Variants in FAM107B observed in about 807,000 individuals in gnomAD.
The protein encoded by FAM107B is protein FAM107B.
A neutral mutation model predicts 31.5 loss-of-function variants in FAM107B; 21 were observed. The ratio of observed to expected loss-of-function variants is 0.67; its 90% CI spans 0.47 to 0.96. FAM107B has a LOEUF of 0.96. FAM107B is among the 40% of genes least tolerant of loss of function. The pLI is 0.00. For synonymous variants in FAM107B, 157 were observed against 141.5 expected, an observed-to-expected ratio of 1.11 and a Z score of -0.78; for missense variants, 452 against 377.1, an observed-to-expected ratio of 1.20 and a Z score of -1.64.
At chr10:14,760,358 G>T (rs2131590223) in intron 1 of FAM107B, among the ~76,000 whole-genome samples, 1 of 152,226 alleles carries the variant, frequency 6.6e-6, no homozygotes, top group Non-Finnish European at 1.5e-5. Flanking sequence ...TTTTATGACT[G>T]CAGTACTATA....
chr10:14,700,928 C>A lies in FAM107B; in HGVS notation c.412-33237G>T, dbSNP rs552952287. 4.6e-4 allele frequency among the ~76,000 whole-genome samples: 70 copies of A among 151,114 alleles called. No individual in the cohort carries two copies. The South Asian group carries it at 0.014, about 29-fold the overall frequency. ...CACACACACACATCACACCTCACCCCACATGTGGCCCCTGGGGTGCTGTAA... is the reference window on the plus strand; with the variant it reads ...CACACACACACATCACACCTCACCCAACATGTGGCCCCTGGGGTGCTGTAA... On this transcript the variant is annotated intron_variant, in intron 1 of 4. Transcript: ENST00000181796.
chr10:14,645,538 G>A (rs1853731092), intron 2 of FAM107B, among the ~76,000 whole-genome samples: 1 of 152,200 alleles, frequency 6.6e-6, no homozygotes, highest in Non-Finnish European at 1.5e-5. Context: ...CACTGTGACT[G>A]TGATTGTAAC....
At chr10:14,573,117 G>A (rs544624826) in intron 2 of FAM107B, among the ~76,000 whole-genome samples, 9 of 152,154 alleles carry the variant, frequency 5.9e-5, no homozygotes, top group Admixed American at 1.3e-4. Flanking sequence ...TCCCAGTGCC[G>A]CAGCCCTGCT....
intron 3 of FAM107B, 89 bp from the exon 4 acceptor site, chr10:14,522,108 G>A (rs1219337525): frequency 6.1e-5 from 91 of 1,489,080 alleles, no homozygotes; most frequent in East Asian, 7.0e-5. Flanking sequence ...TATCAACCAC[G>A]GAAAAGTGGT....
chr10:14,630,117 A>G (rs1853315821), intron 2 of FAM107B, among the ~76,000 whole-genome samples: 2 of 152,106 alleles, frequency 1.3e-5, no homozygotes, highest in East Asian at 1.9e-4. Flanking sequence ...TGTTCTCCAT[A>G]CTTAGATCTC....
intron 1 of FAM107B, among the ~76,000 whole-genome samples, chr10:14,761,622 G>A (rs770506443): frequency 1.3e-5 from 2 of 151,410 alleles, no homozygotes; most frequent in African/African-American, 2.4e-5. Flanking sequence ...TTCTTTTTGC[G>A]ACAGTCTCGG....
At chr10:14,718,744 G>A (rs752600079) in intron 1 of FAM107B, among the ~76,000 whole-genome samples, 2 of 152,186 alleles carry the variant, frequency 1.3e-5, no homozygotes, top group Non-Finnish European at 2.9e-5. Flanking sequence ...TAATCTGCCT[G>A]GCCTTTGTGA....
At chr10:14,731,253 G>GGC (rs1856165709) in intron 1 of FAM107B, among the ~76,000 whole-genome samples, 1 of 152,118 alleles carries the variant, frequency 6.6e-6, no homozygotes, top group East Asian at 1.9e-4. Context: ...GTCCAGTGAG[G>GGC]GCGCGGGATT....
chr10:14,716,533 C>A (rs1855782643), intron 1 of FAM107B, among the ~76,000 whole-genome samples: 1 of 152,212 alleles, frequency 6.6e-6, no homozygotes, highest in Non-Finnish European at 1.5e-5. Context: ...ACTGATACTT[C>A]CATCACAGGC....
intron 2 of FAM107B, among the ~76,000 whole-genome samples, chr10:14,660,991 T>C (rs1357307910): frequency 2.0e-5 from 3 of 152,166 alleles, no homozygotes; most frequent in African/African-American, 7.2e-5. Context: ...GTTCTTGTGA[T>C]AGTGAGCTCT....
chr10:14,703,980 A>C (rs1189276877), intron 1 of FAM107B, among the ~76,000 whole-genome samples: 1 of 152,226 alleles, frequency 6.6e-6, no homozygotes, highest in Admixed American at 6.5e-5. Flanking sequence ...GAAAAATGCT[A>C]AAATGTTTGG....
intron 2 of FAM107B, among the ~76,000 whole-genome samples, chr10:14,638,703 T>C (rs553463193): frequency 1.3e-5 from 2 of 152,184 alleles, no homozygotes; most frequent in Non-Finnish European, 2.9e-5. Context: ...AGAGCTCTTT[T>C]TTATTCCTTA....
At chr10:14,595,666 C>T (rs531260257) in intron 2 of FAM107B, among the ~76,000 whole-genome samples, 4 of 152,090 alleles carry the variant, frequency 2.6e-5, no homozygotes, top group Admixed American at 6.5e-5. Flanking sequence ...CTTCTCTCCC[C>T]CTTGGTCTCC....
intron 2 of FAM107B, among the ~76,000 whole-genome samples, chr10:14,616,937 TAAAAG>T (rs965667643): frequency 1.4e-5 from 2 of 138,566 alleles, no homozygotes; most frequent in African/African-American, 2.7e-5. Context: ...AAAAATAAAA[TAAAAG>T]AGAGAGAGAG....
chr10:14,541,520 T>C (rs1371230303), intron 2 of FAM107B, among the ~76,000 whole-genome samples: 1 of 152,066 alleles, frequency 6.6e-6, no homozygotes, highest in Admixed American at 6.6e-5. Context: ...CCAGGCACCT[T>C]GCAAAGACCA....
rs145725830 is a variant in FAM107B at position 14,707,348 on chromosome 10, T to A, written c.412-39657A>T. On this transcript the variant is annotated intron_variant, in intron 1 of 4. Transcript: ENST00000181796. ...TTCTTTCAACTACCCACCAATTGCG[T>A]TCCCACAATGACATTCTCAAAGACA... is the stretch of plus-strand genomic sequence containing the variant. Among the ~76,000 whole-genome samples, 309 of 100,758 alleles carry A rather than the reference T, an allele frequency of 3.1e-3. 4 individuals are homozygous for A. The South Asian group carries it at 0.033, about 11-fold the overall frequency. The allele number at this position is 100,758 out of a possible 152,430, so 66.1% of individuals were successfully genotyped here. A position where few individuals can be genotyped will look rare whatever the true frequency, so the allele number is the denominator to read the frequency against.
intron 2 of FAM107B, among the ~76,000 whole-genome samples, chr10:14,662,589 G>T (rs988215513): frequency 2.6e-5 from 4 of 152,054 alleles, no homozygotes; most frequent in African/African-American, 9.7e-5. Context: ...TGATGCCCAG[G>T]TTGATCTCTG....
chr10:14,530,194 G>T, intron 3 of FAM107B, 138 bp downstream of exon 3: 1 of 963,202 alleles, frequency 1.0e-6, no homozygotes, highest in Non-Finnish European at 1.5e-6. Flanking sequence ...GTTCTAGGAT[G>T]TGAGAAGGAA....
At chr10:14,584,414 C>T (rs578191506) in intron 2 of FAM107B, among the ~76,000 whole-genome samples, 4 of 152,348 alleles carry the variant, frequency 2.6e-5, no homozygotes, top group African/African-American at 9.6e-5. Flanking sequence ...CTTTCGCACC[C>T]CATGGCCCTC....
Sources: allele counts gnomAD v4.1 joint callset (sites outside exome capture counted in the v4.1 genomes callset), GRCh38; gene constraint gnomAD v4.1.1; transcripts MANE v1.5; gene names NCBI Gene and HGNC (gene_info 2026-07-23, HGNC 2026-07-21).